ADAR: variants seen among roughly 807,000 people sequenced by gnomAD.
ADAR encodes the protein adenosine deaminase RNA specific.
In ADAR, 41 loss-of-function variants were observed where a neutral mutation model predicts 113.2. The ratio of observed to expected loss-of-function variants is 0.36; its 90% CI spans 0.28 to 0.47. The LOEUF (loss-of-function observed/expected upper bound fraction) is 0.47. Among genes scored for constraint, ADAR ranks in the 20% least tolerant of loss-of-function variants. The probability of loss-of-function intolerance (pLI) is 1.00; values close to 1 mark genes in which losing one functional copy is unlikely to be tolerated. For missense variants in ADAR, 1,242 were observed against 1,540.9 expected (o/e 0.81, Z 3.25); for synonymous variants, 605 against 572.6 (o/e 1.06, Z -0.81).
At chr1:154,592,567 T>G (rs1002067166) in intron 6 of ADAR, among the ~76,000 whole-genome samples, 1 of 152,106 alleles carries the variant, frequency 6.6e-6, no homozygotes, top group Non-Finnish European at 1.5e-5. Flanking sequence ...GGATAGAAAT[T>G]CTAAGTATAA....
chr1:154,602,703 G>T (rs1408630829), intron 1 of ADAR, 77 bp from the exon 2 acceptor site: 2 of 1,567,026 alleles, frequency 1.3e-6, no homozygotes, highest in Non-Finnish European at 1.7e-6. Flanking sequence ...TCCCTTTGCT[G>T]CCTGTGGAAC....
At chr1:154,609,928 G>A (rs80231354), upstream of ADAR, among the ~76,000 whole-genome samples, 66 of 152,290 alleles carry the variant, frequency 4.3e-4, no homozygotes, top group East Asian at 0.011. Context: ...TCGGGGGCAG[G>A]AAGCATGTTT....
chr1:154,585,371 A>G, intron 13 of ADAR, 27 bp from the exon 14 acceptor site: 1 of 1,613,980 alleles, frequency 6.2e-7, no homozygotes, highest in South Asian at 1.1e-5. Context: ...CAACGGGAGA[A>G]AGATGGAAAC....
At chr1:154,603,134 C>G (rs1697991675) in intron 1 of ADAR, among the ~76,000 whole-genome samples, 1 of 152,154 alleles carries the variant, frequency 6.6e-6, no homozygotes, top group African/African-American at 2.4e-5. Flanking sequence ...ACCAGTGCAC[C>G]CCTTGCCCAC....
Position 154,584,738 on chromosome 1 carries a change from G to A in ADAR, c.*68C>T. ...AAAAATCCCCTGACCATGTGATGAG[G>A]AATGCTACGACCTACCTCTCTCACA... is the stretch of plus-strand genomic sequence containing the variant. On this transcript the variant is annotated 3_prime_UTR_variant, in exon 15 of 15. Transcript: ENST00000368474. The A allele has an allele frequency of 7.5e-7, 1 of 1,325,580 alleles. No homozygotes were observed. Among genetic ancestry groups the A allele is most frequent in the Non-Finnish European group, 1.1e-6 (1 of 924,862 alleles). 82.1% of individuals were successfully genotyped at this position (1,325,580 alleles called of 1,614,324 possible).
upstream of ADAR, among the ~76,000 whole-genome samples, chr1:154,610,808 CAAAAAAAAAAAAAAAGA>C (rs1442130562): frequency 3.9e-4 from 16 of 40,558 alleles, no homozygotes; most frequent in Admixed American, 7.5e-4. Context: ...GACACCGTCT[CAAAAAAAAAAAAAAAGA>C]AAAAAAAAAA....
chr1:154,588,482 G>A, intron 10 of ADAR, 69 bp downstream of exon 10: 2 of 1,600,194 alleles, frequency 1.2e-6, no homozygotes, highest in Non-Finnish European at 1.7e-6. Context: ...CAGGCCAGGA[G>A]AGCATTTGGA....
At chr1:154,618,036 C>T (rs1698683285) in intron 1 of ADAR, among the ~76,000 whole-genome samples, 1 of 150,888 alleles carries the variant, frequency 6.6e-6, no homozygotes, top group African/African-American at 2.4e-5. Context: ...TCTTTATATG[C>T]ATATGTATAT....
intron 6 of ADAR, among the ~76,000 whole-genome samples, chr1:154,592,604 G>C (rs1557874115): frequency 6.6e-6 from 1 of 152,106 alleles, no homozygotes; most frequent in South Asian, 2.1e-4. Flanking sequence ...ATGAGTTGAC[G>C]AAGGAGGTAA....
At chr1:154,617,266 C>T (rs1043914341) in intron 1 of ADAR, among the ~76,000 whole-genome samples, 1 of 152,210 alleles carries the variant, frequency 6.6e-6, no homozygotes, top group African/African-American at 2.4e-5. Flanking sequence ...TTGCCACCCT[C>T]AAGGCTTAGA....
intron 1 of ADAR, among the ~76,000 whole-genome samples, chr1:154,626,951 T>C (rs538090626): frequency 2.0e-5 from 3 of 152,342 alleles, no homozygotes; most frequent in South Asian, 2.1e-4. Context: ...GCTGACAGTT[T>C]GACGCCCCTG....
chr1:154,602,260 A>G lies in ADAR; in HGVS notation c.382T>C (p.Ser128Pro). 6.2e-7 allele frequency: 1 copy of G among 1,614,094 alleles called. No homozygotes were observed. Among genetic ancestry groups the G allele is most frequent in the Non-Finnish European group, 8.5e-7 (1 of 1,180,012 alleles). ...TAGATACTCAGTTCCTGGAAATGTG[A>G]GGAAAGGCAATCAACACCTCTCTGT... is the stretch of plus-strand genomic sequence containing the variant. ...LPQRGVDCLS[S>P]HFQELSIYQD... The change falls in exon 2 of 15, where the codon TCA (serine) becomes CCA (proline). Residue 128 changes from serine to proline, a missense_variant. By Grantham distance (74) the Ser-to-Pro change is moderately conservative (BLOSUM62 -1). Around this residue, in one of 2 missense-constraint regions of ADAR, gnomAD observed 462 missense variants for 483.1 expected, o/e 0.96. Transcript: ENST00000368474.
At chr1:154,618,293 T>C (rs1698689494) in intron 1 of ADAR, among the ~76,000 whole-genome samples, 1 of 152,054 alleles carries the variant, frequency 6.6e-6, no homozygotes, top group African/African-American at 2.4e-5. Flanking sequence ...GAGGAATATA[T>C]GTCTTAAATA....
chr1:154,609,113 C>G (rs1204255821), upstream of ADAR, among the ~76,000 whole-genome samples: 1 of 152,166 alleles, frequency 6.6e-6, no homozygotes, highest in Non-Finnish European at 1.5e-5. Context: ...GTGTAGAAAC[C>G]GAGGCTTGAC....
intron 1 of ADAR, among the ~76,000 whole-genome samples, chr1:154,614,299 G>T (rs1698574184): frequency 6.6e-6 from 1 of 152,216 alleles, no homozygotes; most frequent in African/African-American, 2.4e-5. Flanking sequence ...TGCAGCACCT[G>T]ACTGACTTCT....
At chr1:154,595,871 C>T (rs921320930) in intron 6 of ADAR, among the ~76,000 whole-genome samples, 21 of 152,148 alleles carry the variant, frequency 1.4e-4, no homozygotes, top group Non-Finnish European at 2.6e-4. Context: ...TCATGGCAGG[C>T]GCCCTATACA....
chr1:154,606,946 A>AT (rs11374337), intron 1 of ADAR, among the ~76,000 whole-genome samples: 28,194 of 108,852 alleles, frequency 0.26, 2,857 homozygotes, highest in Admixed American at 0.33. Context: ...AAAAAAAAAA[A>AT]AATATATATA....
chr1:154,612,159 A>G (rs1450118921), upstream of ADAR, among the ~76,000 whole-genome samples: 4 of 152,130 alleles, frequency 2.6e-5, no homozygotes, highest in Non-Finnish European at 4.4e-5. Flanking sequence ...CATGGGCTAT[A>G]TCCAATTGGA....
rs1315939437 is a variant in ADAR, at chr1:154,583,323, T to A, written c.*1483A>T. The A allele has an allele frequency of 1.3e-5, 2 of 152,114 alleles. No homozygotes were observed. Among genetic ancestry groups the A allele is most frequent in the Admixed American group, 1.3e-4 (2 of 15,262 alleles). 9.4% of individuals were successfully genotyped at this position (152,114 alleles called of 1,614,324 possible). A position where few individuals can be genotyped will look rare whatever the true frequency, so the allele number is the denominator to read the frequency against. On this transcript the variant is annotated 3_prime_UTR_variant, in exon 15 of 15. Transcript: ENST00000368474. Reference sequence around the variant, plus strand: ...CTGCTCTTGGAGTCATGACCAACACTCTAAAAGCCAACAAAGTCCCTTCAA... The same window carrying A: ...CTGCTCTTGGAGTCATGACCAACACACTAAAAGCCAACAAAGTCCCTTCAA...
Sources: gnomAD v4.1 joint callset for allele counts (sites outside exome capture counted in the v4.1 genomes callset) on GRCh38, gnomAD v4.1.1 for gene constraint, gnomAD v4.1.1 regional missense constraint, MANE v1.5 for transcripts, NCBI Gene and HGNC (gene_info 2026-07-23, HGNC 2026-07-21) for gene names.